MSI2: variants seen among roughly 807,000 people sequenced by gnomAD.
The protein encoded by MSI2 is RNA-binding protein Musashi homolog 2.
In MSI2, 17 loss-of-function variants were observed where a neutral mutation model predicts 45.6. The ratio of observed to expected loss-of-function variants is 0.37; its 90% CI spans 0.26 to 0.56. The LOEUF (loss-of-function observed/expected upper bound fraction) is 0.56. MSI2 is among the 20% of genes least tolerant of loss of function. MSI2 has a pLI of 0.77. For synonymous variants in MSI2, 156 were observed against 158.2 expected, an observed-to-expected ratio of 0.99 and a Z score of 0.11; for missense variants, 293 against 444.2, an observed-to-expected ratio of 0.66 and a Z score of 3.06.
intron 6 of MSI2, among the ~76,000 whole-genome samples, chr17:57,414,816 C>T (rs553409765): frequency 1.3e-5 from 2 of 152,224 alleles, no homozygotes; most frequent in African/African-American, 2.4e-5. Flanking sequence ...ATTTCCAACC[C>T]GCAGCAAAAG....
intron 5 of MSI2, 104 bp downstream of exon 5, chr17:57,262,296 A>G: frequency 8.0e-7 from 1 of 1,257,408 alleles, no homozygotes; most frequent in Non-Finnish European, 1.2e-6. Context: ...CCTGGTATTC[A>G]CTGTTCCTTC....
At chr17:57,495,175 G>T (rs74624651) in intron 6 of MSI2, among the ~76,000 whole-genome samples, 8,629 of 152,188 alleles carry the variant, frequency 0.057, 354 homozygotes, top group African/African-American at 0.11. Flanking sequence ...CTTGGCCAAG[G>T]TTACCCACTG....
chr17:57,511,524 A>G (rs2086355189), intron 6 of MSI2, among the ~76,000 whole-genome samples: 1 of 152,112 alleles, frequency 6.6e-6, no homozygotes, highest in African/African-American at 2.4e-5. Flanking sequence ...CTGGCTCAGA[A>G]CGCCTCTCAT....
At chr17:57,441,339 C>T (rs993466529) in intron 6 of MSI2, among the ~76,000 whole-genome samples, 1 of 152,194 alleles carries the variant, frequency 6.6e-6, no homozygotes, top group Non-Finnish European at 1.5e-5. Context: ...ACCCCTCTTG[C>T]CTCTCCTAAA....
intron 6 of MSI2, among the ~76,000 whole-genome samples, chr17:57,468,317 G>A (rs181174609): frequency 4.8e-4 from 72 of 151,562 alleles, no homozygotes; most frequent in Non-Finnish European, 8.7e-4. Flanking sequence ...ACGAGGTCAG[G>A]AGATCAAGTG....
At chr17:57,331,563 A>C (rs896970669) in intron 5 of MSI2, among the ~76,000 whole-genome samples, 1 of 152,168 alleles carries the variant, frequency 6.6e-6, no homozygotes, top group East Asian at 1.9e-4. Context: ...CTCCTGAGCG[A>C]GATCTGAAAG....
At chr17:57,354,122 A>T (rs1446311690) in intron 5 of MSI2, among the ~76,000 whole-genome samples, 1 of 152,198 alleles carries the variant, frequency 6.6e-6, no homozygotes, top group Non-Finnish European at 1.5e-5. Flanking sequence ...GTACAAAGTT[A>T]CTGTTTTCTA....
At chr17:57,530,895 TC>T (rs1158362176) in intron 7 of MSI2, among the ~76,000 whole-genome samples, 1 of 150,226 alleles carries the variant, frequency 6.7e-6, no homozygotes, top group African/African-American at 2.5e-5. Flanking sequence ...CTCTACAGCA[TC>T]CTCAGAATGG....
chr17:57,465,769 G>A (rs1045384025), intron 6 of MSI2, among the ~76,000 whole-genome samples: 7 of 152,084 alleles, frequency 4.6e-5, no homozygotes, highest in Non-Finnish European at 7.4e-5. Flanking sequence ...GGTGGGATTG[G>A]AACAGCCCAG....
chr17:57,360,882 T>A (rs1916765034), intron 5 of MSI2, among the ~76,000 whole-genome samples: 1 of 152,250 alleles, frequency 6.6e-6, no homozygotes, highest in Non-Finnish European at 1.5e-5. Context: ...AGGCTAATTA[T>A]GGGATGCGTA....
intron 6 of MSI2, among the ~76,000 whole-genome samples, chr17:57,411,174 T>C (rs991064904): frequency 6.6e-6 from 1 of 152,034 alleles, no homozygotes; most frequent in South Asian, 2.1e-4. Flanking sequence ...CTGGCTAATT[T>C]TTTTGTATTT....
intron 6 of MSI2, among the ~76,000 whole-genome samples, chr17:57,460,491 A>G (rs978977615): frequency 2.0e-5 from 3 of 152,160 alleles, no homozygotes; most frequent in Non-Finnish European, 4.4e-5. Context: ...GGAAAAAGAA[A>G]GAGAAGAAAA....
At chr17:57,258,146 G>GC in intron 3 of MSI2, 124 bp from the exon 4 acceptor site, 1 of 719,512 alleles carries the variant, frequency 1.4e-6, no homozygotes. Context: ...GAGGAGGGGA[G>GC]TGGGAGGTGG....
chr17:57,458,900 G>T (rs1301718824), intron 6 of MSI2, among the ~76,000 whole-genome samples: 1 of 152,188 alleles, frequency 6.6e-6, no homozygotes, highest in Non-Finnish European at 1.5e-5. Context: ...CTGGGCACCT[G>T]GCGAGAGCGT....
At chr17:57,357,631 C>G (rs1028669165) in intron 5 of MSI2, among the ~76,000 whole-genome samples, 1 of 152,134 alleles carries the variant, frequency 6.6e-6, no homozygotes, top group South Asian at 2.1e-4. Context: ...CACCAGCTCC[C>G]TATCCAGGCC....
chr17:57,555,212 C>T (rs1389728686), intron 7 of MSI2, among the ~76,000 whole-genome samples: 1 of 152,220 alleles, frequency 6.6e-6, no homozygotes, highest in Non-Finnish European at 1.5e-5. Context: ...GTCCGCACCG[C>T]CAGCTCTGGG....
intron 6 of MSI2, among the ~76,000 whole-genome samples, chr17:57,433,821 G>C (rs1431097518): frequency 6.6e-6 from 1 of 152,292 alleles, no homozygotes; most frequent in South Asian, 2.1e-4. Flanking sequence ...GTACTGTTGC[G>C]TGTTCCTCTG....
chr17:57,697,818 A>T, the MSI2 span, among the ~76,000 whole-genome samples: 5 of 152,124 alleles, frequency 3.3e-5, no homozygotes, highest in African/African-American at 9.7e-5. Flanking sequence ...CCCATGATTC[A>T]ATTATCTGCC....
intron 5 of MSI2, among the ~76,000 whole-genome samples, chr17:57,377,529 C>T (rs1598189092): frequency 6.6e-6 from 1 of 152,206 alleles, no homozygotes; most frequent in African/African-American, 2.4e-5. Flanking sequence ...GTGCTTAGAG[C>T]TTCATGCCCC....
Sources: allele counts gnomAD v4.1 joint callset (sites outside exome capture counted in the v4.1 genomes callset), GRCh38; gene constraint gnomAD v4.1.1; transcripts MANE v1.5; gene names NCBI Gene and HGNC (gene_info 2026-07-23, HGNC 2026-07-21).